The following ZNF835 variants were observed in gnomAD, a reference collection of about 807,000 sequenced individuals.
The protein encoded by ZNF835 is zinc finger protein 835.
For synonymous variants in ZNF835, 323 were observed against 324.7 expected (o/e 0.99, Z 0.06); for missense variants, 783 against 758.4 (o/e 1.03, Z -0.38).
Position 56,663,727 on chromosome 19 carries a change from C to A in ZNF835, c.1472G>T (p.Arg491Leu). 1 of 1,614,016 alleles carries A rather than the reference C, an allele frequency of 6.2e-7. No individual in the cohort carries two copies. ...ACTGTCTGCATGCGTCCTCTGGTGT[C>A]GGATGAGCGCGGAGGAGAAGCTGAA... is the stretch of plus-strand genomic sequence containing the variant. Reference protein sequence around the residue: ...KAFSFSSALIRHQRTHADSSG... With the variant: ...KAFSFSSALILHQRTHADSSG... The change falls in exon 2 of 2, where the codon CGA becomes CTA. Residue 491 changes from arginine (R) to leucine (L), a missense_variant. Arg to Leu is a moderately radical substitution (Grantham distance 102). Transcript: ENST00000537055.
chr19:56,663,504 C>T lies in ZNF835; in HGVS notation c.*81G>A. ...CAAGTTAACAAGCTTCTCTGAGCCT[C>T]GGTTTCCTCACAGGAAGCGTCGGGG... is the stretch of plus-strand genomic sequence containing the variant. On this transcript the variant is annotated 3_prime_UTR_variant, in exon 2 of 2. Coordinates refer to ENST00000537055, the MANE Select transcript of ZNF835 (RefSeq NM_001005850.3). The T allele has an allele frequency of 1.9e-6, 3 of 1,565,308 alleles. No homozygotes were observed. The highest frequency in any genetic ancestry group is 2.6e-6 in the Non-Finnish European group (3 of 1,153,982).
intron 1 of ZNF835, among the ~76,000 whole-genome samples, chr19:56,665,719 G>A (rs1185592321): frequency 6.6e-6 from 1 of 152,166 alleles, no homozygotes; most frequent in Non-Finnish European, 1.5e-5. Flanking sequence ...AAGAGGATCA[G>A]CTGAGCTCAG....
In ZNF835 at chr19:56,663,760, CCGCAGCCGCTGCACTCGTAGGGCTTCT is replaced by C. The variant is rs1489185386; in HGVS notation, c.1412_1438del (p.Glu471_Cys479del). ...CGCGGAGGAGAAGCTGAAGGCCTTC[CCGCAGCCGCTGCACTCGTAGGGCTTCT>C]CCCCGGTGTGCACGATGTGGTGCTG... is the stretch of plus-strand genomic sequence containing the variant. On this transcript the variant is annotated inframe_deletion, in exon 2 of 2. Transcript: ENST00000537055. 6.2e-7 allele frequency: 1 copy of C among 1,613,800 alleles called. No individual in the cohort carries two copies. Among genetic ancestry groups the C allele is most frequent in the African/African-American group, 1.3e-5 (1 of 74,928 alleles).
At position 56,665,477 on chromosome 19, in the gene ZNF835, CCT is replaced by C; in HGVS notation, c.-47-234_-47-233del. On this transcript the variant is annotated intron_variant, in intron 1 of 1. Transcript: ENST00000537055. ...CTGCCAGGGACACTACCCCTCAACC[CCT>C]GAGTTGTAACAATGAAAAATGTCTC... 10 of 677,212 alleles carry C rather than the reference CCT, an allele frequency of 1.5e-5. No homozygotes were observed. The Middle Eastern group carries it at 7.9e-4, about 53-fold the overall frequency. The allele number at this position is 677,212 out of a possible 1,614,324, so 42.0% of individuals were successfully genotyped here.
intron 1 of ZNF835, among the ~76,000 whole-genome samples, chr19:56,669,635 C>G (rs935114535): frequency 1.8e-5 from 1 of 55,202 alleles, no homozygotes; most frequent in Non-Finnish European, 3.3e-5. Flanking sequence ...ACCAGGAGTC[C>G]TCCATTAGCA....
intron 1 of ZNF835, 76 bp from the exon 2 acceptor site, chr19:56,665,321 C>T: frequency 7.6e-7 from 1 of 1,317,510 alleles, no homozygotes; most frequent in Non-Finnish European, 1.1e-6. Context: ...AACAGCTGAA[C>T]TGGTAAGAAC....
chr19:56,664,233 G>A lies in ZNF835; in HGVS notation c.966C>T (p.Ala322=), dbSNP rs200020270. ...CGCCTGTGTGGATGCGCCGGTGCTC[G>A]GCCAGAGAGGCGCTCTGGCTGAAGA... ...GALFSQSASL[A]EHRRIHTGEK... The change falls in exon 2 of 2, where the codon GCC becomes GCT. Residue 322 remains alanine, a synonymous_variant. Coordinates refer to ENST00000537055, the MANE Select transcript of ZNF835 (RefSeq NM_001005850.3). 8 of 1,602,210 alleles carry A rather than the reference G, an allele frequency of 5.0e-6. No individual in the cohort carries two copies. The Admixed American group carries it at 8.5e-5, about 17-fold the overall frequency.
In ZNF835 at chr19:56,670,405, G is replaced by A. The variant is rs544552508; in HGVS notation, c.-48+1171C>T. 4.0e-4 allele frequency among the ~76,000 whole-genome samples: 61 copies of A among 152,142 alleles called. No homozygotes were observed. In the East Asian group the frequency reaches 0.012, roughly 29 times the overall value. On this transcript the variant is annotated intron_variant, in intron 1 of 1. Transcript: ENST00000537055. ...CTGCCCAGACACACACAGACATGCA[G>A]AGACACCCAAACCCATATCCAGGGA...
In ZNF835 at chr19:56,663,912, C is replaced by T; in HGVS notation, c.1287G>A (p.Gln429=). 6.2e-7 allele frequency: 1 copy of T among 1,611,624 alleles called. No homozygotes were observed. Among genetic ancestry groups the T allele is most frequent in the Non-Finnish European group, 8.5e-7 (1 of 1,179,242 alleles). The part of the protein sequence containing the change: ...KCGECGKAFS[Q]GSSLALHQRT... ...GCTGGTGCAGGGCGAGCGAGGAGCC[C>T]TGGCTGAAAGCTTTGCCGCACTCGC... is the stretch of plus-strand genomic sequence containing the variant. Residue 429 remains glutamine (Q), a synonymous_variant, in exon 2 of 2, where the codon CAG becomes CAA. Coordinates refer to ENST00000537055, the MANE Select transcript of ZNF835 (RefSeq NM_001005850.3).
chr19:56,670,625 C>A (rs1391394259), intron 1 of ZNF835, among the ~76,000 whole-genome samples: 1 of 152,188 alleles, frequency 6.6e-6, no homozygotes, highest in East Asian at 1.9e-4. Flanking sequence ...CACAGGCCGG[C>A]CATTACTGGG....
chr19:56,663,984 A>G lies in ZNF835; in HGVS notation c.1215T>C (p.Leu405=), dbSNP rs1329734263. 1 of 1,599,968 alleles carries G rather than the reference A, an allele frequency of 6.3e-7. No homozygotes were observed. Among genetic ancestry groups the G allele is most frequent in the Non-Finnish European group, 8.5e-7 (1 of 1,175,276 alleles). Residue 405 remains leucine (L), a synonymous_variant, in exon 2 of 2, where the codon CTT becomes CTC. Transcript: ENST00000537055. ...CGAAFSHVSS[L]IEHQKIHTGE... ...CGGTGTGGATCTTCTGGTGCTCTAT[A>G]AGCGAGGACACGTGGCTGAAGGCGG...
chr19:56,668,977 G>A (rs2045268186), intron 1 of ZNF835, among the ~76,000 whole-genome samples: 1 of 152,070 alleles, frequency 6.6e-6, no homozygotes, highest in Non-Finnish European at 1.5e-5. Context: ...GGAGCCCAAG[G>A]GGAGACACAG....
chr19:56,665,259 GAT>G lies in ZNF835; in HGVS notation c.-47-16_-47-15del, dbSNP rs1156311128. 1.3e-6 allele frequency: 2 copies of G among 1,590,676 alleles called. No homozygotes were observed. Among genetic ancestry groups the G allele is most frequent in the African/African-American group, 2.7e-5 (2 of 73,356 alleles). On this transcript the variant is annotated splice_polypyrimidine_tract_variant and intron_variant, in intron 1 of 1. Coordinates refer to ENST00000537055, the MANE Select transcript of ZNF835 (RefSeq NM_001005850.3). ...TTTTCTCTGGGTCTGAAAAGAAAAA[GAT>G]AGAAAAAAAAATTAAATGTTGCCAC...
At chr19:56,667,395 G>A (rs2045255214) in intron 1 of ZNF835, among the ~76,000 whole-genome samples, 1 of 152,216 alleles carries the variant, frequency 6.6e-6, no homozygotes, top group Admixed American at 6.5e-5. Flanking sequence ...GGCTCACACT[G>A]CTGGGAGGTC....
chr19:56,671,626 C>T lies in ZNF835; in HGVS notation c.-98G>A, dbSNP rs11878266. The T allele has an allele frequency of 0.048, 7,301 of 152,536 alleles. 581 individuals carry two copies. The highest frequency in any genetic ancestry group is 0.16 in the African/African-American group (6,799 of 41,458). The allele number at this position is 152,536 out of a possible 1,614,324, so 9.4% of individuals were successfully genotyped here. Reference sequence around the variant, plus strand: ...CTTCGAACGCGCTGGCCGGCCCCCTCCTAGCCTGGTGCAGTCGGCTCCGCT... The same window carrying T: ...CTTCGAACGCGCTGGCCGGCCCCCTTCTAGCCTGGTGCAGTCGGCTCCGCT... On this transcript the variant is annotated 5_prime_UTR_variant, in exon 1 of 2. Coordinates refer to ENST00000537055, the MANE Select transcript of ZNF835 (RefSeq NM_001005850.3).
Position 56,664,821 on chromosome 19 carries a change from G to GA in ZNF835, c.377dup (p.His128ThrfsTer120), listed in dbSNP as rs746555143. 5 of 1,611,266 alleles carry GA rather than the reference G, an allele frequency of 3.1e-6. No individual in the cohort carries two copies. The highest frequency in any genetic ancestry group is 4.2e-6 in the Non-Finnish European group (5 of 1,177,822). On this transcript the variant is annotated frameshift_variant, in exon 2 of 2. Coordinates refer to ENST00000537055, the MANE Select transcript of ZNF835 (RefSeq NM_001005850.3). LOFTEE classifies it low-confidence loss of function (END_TRUNC). Reference sequence around the variant, plus strand: ...CCCCGGTGTGGATTCTCTGGTGTAAGATGAACGCTGAACAGTAGCTGAAGG... The same window carrying GA: ...CCCCGGTGTGGATTCTCTGGTGTAAGAATGAACGCTGAACAGTAGCTGAAGG...
chr19:56,666,117 G>GT (rs1555779851), intron 1 of ZNF835, among the ~76,000 whole-genome samples: 200 of 150,268 alleles, frequency 1.3e-3, no homozygotes, highest in African/African-American at 4.7e-3. Context: ...CAATGGGACT[G>GT]TTTTATTTTT....
In ZNF835 at chr19:56,664,403, T is replaced by A; in HGVS notation, c.796A>T (p.Ile266Phe). 2 of 1,610,194 alleles carry A rather than the reference T, an allele frequency of 1.2e-6. No individual in the cohort carries two copies. Among genetic ancestry groups the A allele is most frequent in the Non-Finnish European group, 1.7e-6 (2 of 1,178,946 alleles). The change falls in exon 2 of 2, where the codon ATC becomes TTC. Residue 266 changes from isoleucine to phenylalanine, a missense_variant. Coordinates refer to ENST00000537055, the MANE Select transcript of ZNF835 (RefSeq NM_001005850.3). ...TCCGTGTGGATGCGCTGGTGGCGGA[T>A]GAGCGCTGAGGAGAAGCGGAAGGCC... ...AKAFRFSSAL[I>F]RHQRIHTEEK...
chr19:56,665,493 GA>G, intron 1 of ZNF835: 2 of 650,528 alleles, frequency 3.1e-6, no homozygotes, highest in Admixed American at 1.8e-5. Context: ...TTGTAACAAT[GA>G]AAAATGTCTC....
Sources: gnomAD v4.1 joint callset for allele counts (sites outside exome capture counted in the v4.1 genomes callset) on GRCh38, gnomAD v4.1.1 for gene constraint, MANE v1.5 for transcripts, NCBI Gene and HGNC (gene_info 2026-07-23, HGNC 2026-07-21) for gene names.